The following GLDC variants were observed in gnomAD, a reference collection of about 807,000 sequenced individuals.
The protein encoded by GLDC is glycine dehydrogenase (decarboxylating), mitochondrial.
GLDC carries 104 observed loss-of-function variants against 121.3 expected under a neutral mutation model. The observed-to-expected ratio is 0.86, with a 90% CI of 0.73 to 1.01. GLDC has a LOEUF of 1.01. Among genes scored for constraint, GLDC ranks in the 50% least tolerant of loss-of-function variants. The probability of loss-of-function intolerance (pLI) is 0.00; values close to 1 mark genes in which losing one functional copy is unlikely to be tolerated. For synonymous variants in GLDC, 546 were observed against 480.6 expected, an observed-to-expected ratio of 1.14 and a Z score of -1.78; for missense variants, 1,429 against 1,306.6, an observed-to-expected ratio of 1.09 and a Z score of -1.44.
chr9:6,645,111 G>T (rs902306682), intron 1 of GLDC, 134 bp downstream of exon 1: 1 of 884,590 alleles, frequency 1.1e-6, no homozygotes, highest in Non-Finnish European at 1.7e-6. Context: ...TTGCTTCCAC[G>T]CCACGGCCCG....
intron 23 of GLDC, 59 bp from the exon 24 acceptor site, chr9:6,534,847 C>A (rs1817087866): frequency 2.3e-6 from 2 of 864,002 alleles, no homozygotes; most frequent in African/African-American, 3.3e-5. Flanking sequence ...TCTCCTCCTA[C>A]CCTGCACCTC....
Position 6,554,694 on chromosome 9 carries a change from C to T in GLDC, c.2290G>A (p.Gly764Ser), listed in dbSNP as rs779998377. 6.2e-7 allele frequency: 1 copy of T among 1,612,026 alleles called. No individual in the cohort carries two copies. Among genetic ancestry groups the T allele is most frequent in the African/African-American group, 1.3e-5 (1 of 75,000 alleles). The change falls in exon 19 of 25, where the codon GGT becomes AGT. Residue 764 changes from glycine to serine, a missense_variant. Transcript: ENST00000321612. Reference sequence around the variant, plus strand: ...ACTCCGATGGGCCCCATGCCAGGACCACCTCCTCCGTGGGGAATGCAGAAG... The same window carrying T: ...ACTCCGATGGGCCCCATGCCAGGACTACCTCCTCCGTGGGGAATGCAGAAG... ...KTFCIPHGGG[G>S]PGMGPIGVKK...
chr9:6,546,559 C>G (rs1227053448), intron 21 of GLDC, among the ~76,000 whole-genome samples: 2 of 152,064 alleles, frequency 1.3e-5, no homozygotes, highest in Non-Finnish European at 2.9e-5. Flanking sequence ...CACGGAGCTG[C>G]TATCTCCTGT....
chr9:6,575,969 T>C (rs1587938233), intron 15 of GLDC, among the ~76,000 whole-genome samples: 1 of 152,216 alleles, frequency 6.6e-6, no homozygotes, highest in African/African-American at 2.4e-5. Context: ...CCCCGGGGTT[T>C]ATGGGTAGAA....
chr9:6,601,076 G>A (rs1162104698), intron 8 of GLDC, among the ~76,000 whole-genome samples: 1 of 152,200 alleles, frequency 6.6e-6, no homozygotes, highest in Non-Finnish European at 1.5e-5. Context: ...AGGAGGCTGA[G>A]GCAGGAGAAT....
chr9:6,592,164 G>C lies in GLDC; in HGVS notation c.1461C>G (p.Ile487Met). ...TTACTGCAGATGACTCACAACCAAA[G>C]ATCCACAACAAATCGTCCAGATCTT... ...NEKDLDDLLWIFGCESSAELV... is the reference protein window; with the variant it reads ...NEKDLDDLLWMFGCESSAELV... Residue 487 changes from isoleucine to methionine, a missense_variant, in exon 11 of 25, where the codon ATC becomes ATG. Physicochemically the swap from Ile to Met is conservative, Grantham distance 10. Transcript: ENST00000321612. The C allele has an allele frequency of 6.2e-7, 1 of 1,603,082 alleles. No homozygotes were observed. Among genetic ancestry groups the C allele is most frequent in the Non-Finnish European group, 8.5e-7 (1 of 1,170,084 alleles).
intron 17 of GLDC, 127 bp from the exon 18 acceptor site, chr9:6,556,429 C>G (rs1215131074): frequency 1.3e-6 from 1 of 773,306 alleles, no homozygotes; most frequent in African/African-American, 1.7e-5. Flanking sequence ...CTGGAACTGT[C>G]TCAAAGTACA....
intron 9 of GLDC, among the ~76,000 whole-genome samples, chr9:6,594,482 G>T (rs1818448768): frequency 6.6e-6 from 1 of 152,036 alleles, no homozygotes; most frequent in Non-Finnish European, 1.5e-5. Context: ...GATTTCTTGA[G>T]GTCAGGAATT....
At chr9:6,564,045 C>A (rs572761616) in intron 16 of GLDC, among the ~76,000 whole-genome samples, 1 of 151,878 alleles carries the variant, frequency 6.6e-6, no homozygotes. Flanking sequence ...GTCAGGAGTT[C>A]GAGACTAGCC....
intron 18 of GLDC, among the ~76,000 whole-genome samples, chr9:6,555,510 T>C (rs760867524): frequency 6.6e-6 from 1 of 151,494 alleles, no homozygotes; most frequent in Non-Finnish European, 1.5e-5. Context: ...GGATCACACC[T>C]GTAATCCTAG....
At chr9:6,537,956 C>T (rs540952189) in intron 22 of GLDC, among the ~76,000 whole-genome samples, 2 of 152,194 alleles carry the variant, frequency 1.3e-5, no homozygotes, top group African/African-American at 2.4e-5. Flanking sequence ...GTACACTTCA[C>T]TCTTAAACCC....
At chr9:6,601,783 G>A (rs929225904) in intron 8 of GLDC, among the ~76,000 whole-genome samples, 1 of 152,058 alleles carries the variant, frequency 6.6e-6, no homozygotes, top group Non-Finnish European at 1.5e-5. Flanking sequence ...TACCACCACT[G>A]ACGGCTAATT....
chr9:6,554,363 C>T (rs1817574749), intron 19 of GLDC, among the ~76,000 whole-genome samples: 1 of 152,178 alleles, frequency 6.6e-6, no homozygotes, highest in Non-Finnish European at 1.5e-5. Context: ...TGCCAATATT[C>T]CAGTTACAAT....
intron 3 of GLDC, among the ~76,000 whole-genome samples, chr9:6,610,918 A>T (rs1818838414): frequency 6.6e-6 from 1 of 152,232 alleles, no homozygotes; most frequent in African/African-American, 2.4e-5. Context: ...AATATCATAA[A>T]CAGAAATTTC....
At chr9:6,572,454 T>C (rs549162062) in intron 15 of GLDC, among the ~76,000 whole-genome samples, 2 of 152,292 alleles carry the variant, frequency 1.3e-5, no homozygotes, top group Admixed American at 6.5e-5. Flanking sequence ...AGTGGCTTTA[T>C]TATCTGGGGG....
intron 8 of GLDC, among the ~76,000 whole-genome samples, chr9:6,598,100 C>T (rs1341674392): frequency 1.3e-5 from 2 of 152,138 alleles, no homozygotes; most frequent in East Asian, 3.9e-4. Flanking sequence ...GTGATTGCAG[C>T]TCACTGCAGC....
chr9:6,635,068 C>T (rs1430511250), intron 2 of GLDC, among the ~76,000 whole-genome samples: 1 of 152,214 alleles, frequency 6.6e-6, no homozygotes, highest in Admixed American at 6.5e-5. Context: ...CCACGTATTT[C>T]CACACTTCCA....
chr9:6,610,130 G>A (rs1818821448), intron 4 of GLDC, 62 bp downstream of exon 4: 2 of 1,298,436 alleles, frequency 1.5e-6, no homozygotes, highest in East Asian at 2.5e-5. Flanking sequence ...ACTATAGAAA[G>A]AAAACAAGGC....
chr9:6,627,637 C>G (rs1479380686), intron 2 of GLDC, among the ~76,000 whole-genome samples: 1 of 152,138 alleles, frequency 6.6e-6, no homozygotes, highest in Non-Finnish European at 1.5e-5. Flanking sequence ...GAGTAGGTCC[C>G]TAGTCACGCT....
Sources: allele counts gnomAD v4.1 joint callset (sites outside exome capture counted in the v4.1 genomes callset), GRCh38; gene constraint gnomAD v4.1.1; transcripts MANE v1.5; gene names NCBI Gene and HGNC (gene_info 2026-07-23, HGNC 2026-07-21).